PRDM10: variants seen among roughly 807,000 people sequenced by gnomAD.
PRDM10 encodes PR domain zinc finger protein 10.
A neutral mutation model predicts 133.1 loss-of-function variants in PRDM10; 65 were observed. The ratio of observed to expected loss-of-function variants is 0.49; its 90% CI spans 0.40 to 0.60. The LOEUF (loss-of-function observed/expected upper bound fraction) is 0.60. Ranked by LOEUF, PRDM10 falls within the 20% of genes least tolerant of loss-of-function variation. The pLI is 0.00. For synonymous variants in PRDM10, 582 were observed against 580.4 expected, an observed-to-expected ratio of 1.00 and a Z score of -0.04; for missense variants, 1,137 against 1,507.1, an observed-to-expected ratio of 0.75 and a Z score of 4.07.
At chr11:129,971,888 C>T (rs1025598459) in intron 1 of PRDM10, among the ~76,000 whole-genome samples, 5 of 152,186 alleles carry the variant, frequency 3.3e-5, no homozygotes, top group Non-Finnish European at 2.9e-5. Flanking sequence ...CAGGGGGCGG[C>T]GCTCGTCGGG....
At chr11:129,979,726 C>T (rs530136393) in intron 1 of PRDM10, among the ~76,000 whole-genome samples, 6 of 152,254 alleles carry the variant, frequency 3.9e-5, no homozygotes, top group Non-Finnish European at 5.9e-5. Context: ...TTCCCAGCCT[C>T]GGATTCTGCC....
chr11:129,917,652 A>G (rs1304146642), intron 14 of PRDM10, among the ~76,000 whole-genome samples: 1 of 152,266 alleles, frequency 6.6e-6, no homozygotes, highest in Non-Finnish European at 1.5e-5. Flanking sequence ...TGAATTTTAA[A>G]TATTGCTCTA....
Position 129,902,366 on chromosome 11 carries a change from T to C in PRDM10, c.3418A>G (p.Thr1140Ala). The change falls in exon 21 of 21, where the codon ACC (threonine) becomes GCC (alanine). Residue 1140 changes from threonine (T) to alanine (A), a missense_variant. Transcript: ENST00000360871. ...SQQQTTQYII[T>A]TTTNGNGSSE... is the part of the protein sequence containing the mutation. ...CTTCCGTTCCCGTTGGTGGTGGTGG[T>C]GATGATGTACTGTGTGGTCTGCTGT... 2 of 1,614,062 alleles carry C rather than the reference T, an allele frequency of 1.2e-6. No homozygotes were observed. The highest frequency in any genetic ancestry group is 1.3e-5 in the African/African-American group (1 of 75,016).
At chr11:130,001,510 G>C (rs1041183514) in intron 1 of PRDM10, among the ~76,000 whole-genome samples, 1 of 152,118 alleles carries the variant, frequency 6.6e-6, no homozygotes, top group Non-Finnish European at 1.5e-5. Context: ...GGCAGAGCTG[G>C]GTGGGTCTCA....
chr11:129,939,102 T>C (rs1951127039), intron 7 of PRDM10, among the ~76,000 whole-genome samples: 1 of 152,194 alleles, frequency 6.6e-6, no homozygotes, highest in Non-Finnish European at 1.5e-5. Context: ...CCCTTTCTTG[T>C]TACCTGCTCT....
chr11:129,931,572 T>TTTA (rs1555106423), intron 10 of PRDM10, among the ~76,000 whole-genome samples: 16 of 77,616 alleles, frequency 2.1e-4, no homozygotes, highest in South Asian at 3.9e-4. Context: ...TTTTATTTTA[T>TTTA]TTTATTTTTT....
Position 129,900,836 on chromosome 11 carries a change from T to C in PRDM10, c.*1477A>G, listed in dbSNP as rs2135690981. ...GGGGAACAACTACATGAACGCAGTC[T>C]CAGAAATAAAGTGCGAAATCTACAC... On this transcript the variant is annotated 3_prime_UTR_variant, in exon 21 of 21. Coordinates refer to ENST00000360871, the MANE Select transcript of PRDM10 (RefSeq NM_199437.2). 7.6e-6 allele frequency: 1 copy of C among 132,338 alleles called. No individual in the cohort carries two copies. Among genetic ancestry groups the C allele is most frequent in the African/African-American group, 2.8e-5 (1 of 35,118 alleles). The allele number at this position is 132,338 out of a possible 1,614,324, so 8.2% of individuals were successfully genotyped here.
At chr11:129,910,974 C>G (rs2135729484) in intron 18 of PRDM10, among the ~76,000 whole-genome samples, 1 of 152,278 alleles carries the variant, frequency 6.6e-6, no homozygotes, top group East Asian at 1.9e-4. Flanking sequence ...AGGGGTTTCT[C>G]CAGGTTGGTC....
Position 129,910,633 on chromosome 11 carries a change from G to A in PRDM10, c.3006C>T (p.Pro1002=). The A allele has an allele frequency of 6.3e-7, 1 of 1,589,950 alleles. No individual in the cohort carries two copies. Among genetic ancestry groups the A allele is most frequent in the Non-Finnish European group, 8.6e-7 (1 of 1,166,672 alleles). The change falls in exon 19 of 21, where the codon CCC becomes CCT. Residue 1002 remains proline (P), a synonymous_variant. Transcript: ENST00000360871. ...GCCCCTGCTGAGCCTGCTGGGCTGA[G>A]GGACTCAACGGCTGCCCAGATACCT... is the stretch of plus-strand genomic sequence containing the variant. The part of the protein sequence containing the change: ...SAQVSGQPLS[P]SAQQAQQGLS...
Position 129,947,570 on chromosome 11 carries a change from C to A in PRDM10, c.295-200G>T, listed in dbSNP as rs1415570372. ...TCATTTTTGATCTGACTGCTCACAGCCTTTAAGCCTCTGCCCTCCCTCTGC... is the reference window on the plus strand; with the variant it reads ...TCATTTTTGATCTGACTGCTCACAGACTTTAAGCCTCTGCCCTCCCTCTGC... On this transcript the variant is annotated intron_variant, in intron 4 of 20. Coordinates refer to ENST00000360871, the MANE Select transcript of PRDM10 (RefSeq NM_199437.2). The surrounding 1 kb of genome is among the most constrained non-coding windows in gnomAD (Gnocchi z 4.6). 4.0e-5 allele frequency: 57 copies of A among 1,436,722 alleles called. No homozygotes were observed. Among genetic ancestry groups the A allele is most frequent in the Non-Finnish European group, 5.0e-5 (55 of 1,098,290 alleles). 89.0% of individuals were successfully genotyped at this position (1,436,722 alleles called of 1,614,324 possible).
chr11:129,925,365 G>A (rs1950645456), intron 11 of PRDM10, 136 bp from the exon 12 acceptor site: 2 of 798,104 alleles, frequency 2.5e-6, no homozygotes, highest in South Asian at 2.0e-5. Flanking sequence ...GACACACACA[G>A]TTGAAAGGAG....
intron 7 of PRDM10, among the ~76,000 whole-genome samples, chr11:129,939,917 C>G (rs756640653): frequency 9.2e-5 from 14 of 152,150 alleles, no homozygotes; most frequent in Non-Finnish European, 4.4e-5. Context: ...GGAAGGTGAT[C>G]AGTGGCTTGA....
At chr11:129,988,601 A>G (rs1938552788) in intron 1 of PRDM10, among the ~76,000 whole-genome samples, 1 of 138,362 alleles carries the variant, frequency 7.2e-6, no homozygotes, top group Non-Finnish European at 1.5e-5. Flanking sequence ...CTGTTCTTAG[A>G]AAAAAAAAAA....
At chr11:129,952,431 T>G (rs1237697221) in intron 4 of PRDM10, among the ~76,000 whole-genome samples, 2 of 152,180 alleles carry the variant, frequency 1.3e-5, no homozygotes, top group African/African-American at 2.4e-5. Flanking sequence ...TCAAAATAAT[T>G]TCACACAAAT....
chr11:129,988,329 G>A (rs1026276325), intron 1 of PRDM10, among the ~76,000 whole-genome samples: 1 of 152,106 alleles, frequency 6.6e-6, no homozygotes. Context: ...ATGTATTAAA[G>A]CCATTGAATT....
intron 1 of PRDM10, among the ~76,000 whole-genome samples, chr11:129,985,047 C>T (rs149791781): frequency 9.7e-4 from 147 of 152,262 alleles, no homozygotes; most frequent in Middle Eastern, 3.4e-3. Flanking sequence ...GCTGGAAGGC[C>T]GCTGCAGGAG....
intron 1 of PRDM10, among the ~76,000 whole-genome samples, chr11:129,997,636 T>C (rs962002268): frequency 6.6e-6 from 1 of 151,348 alleles, no homozygotes; most frequent in Middle Eastern, 3.4e-3. Context: ...TCTTAAACAT[T>C]TGAAAAATGG....
intron 1 of PRDM10, among the ~76,000 whole-genome samples, chr11:129,997,325 C>T (rs1299736251): frequency 1.3e-5 from 2 of 152,020 alleles, no homozygotes; most frequent in African/African-American, 2.4e-5. Context: ...ACAAAAAATA[C>T]AAAAATTAGC....
chr11:129,917,533 T>G (rs1370201558), intron 14 of PRDM10, among the ~76,000 whole-genome samples: 1 of 152,184 alleles, frequency 6.6e-6, no homozygotes, highest in African/African-American at 2.4e-5. Flanking sequence ...AAAAGGAAAA[T>G]TACACTGGTA....
Sources: gnomAD v4.1 joint callset for allele counts (sites outside exome capture counted in the v4.1 genomes callset) on GRCh38, gnomAD v4.1.1 for gene constraint, Gnocchi (gnomAD v3.1) non-coding constraint, MANE v1.5 for transcripts, NCBI Gene and HGNC (gene_info 2026-07-23, HGNC 2026-07-21) for gene names.